GRIN2A: variants seen among roughly 807,000 people sequenced by gnomAD.
GRIN2A encodes the protein glutamate ionotropic receptor NMDA type subunit 2A, also known as glutamate receptor ionotropic, NMDA 2A.
A neutral mutation model predicts 113.4 loss-of-function variants in GRIN2A; 22 were observed. The observed-to-expected ratio is 0.19, with a 90% CI of 0.14 to 0.28. The LOEUF (loss-of-function observed/expected upper bound fraction) is 0.28. Ranked by LOEUF, GRIN2A falls within the 10% of genes least tolerant of loss-of-function variation. GRIN2A has a pLI of 1.00. For missense variants in GRIN2A, 1,502 were observed against 1,887.0 expected (o/e 0.80, Z 3.78); for synonymous variants, 827 against 738.4 (o/e 1.12, Z -1.94).
chr16:9,818,288 T>G (rs2042221344), intron 10 of GRIN2A, among the ~76,000 whole-genome samples: 1 of 151,594 alleles, frequency 6.6e-6, no homozygotes. Context: ...GTTTTCATAA[T>G]CATCTGAGGA....
At chr16:9,887,411 T>C (rs55890250) in intron 4 of GRIN2A, among the ~76,000 whole-genome samples, 1 of 152,190 alleles carries the variant, frequency 6.6e-6, no homozygotes, top group Admixed American at 6.5e-5. Context: ...TTGAACTTTA[T>C]GTAAATGGAA....
chr16:9,954,028 G>A (rs1368697121), intron 2 of GRIN2A, among the ~76,000 whole-genome samples: 2 of 152,050 alleles, frequency 1.3e-5, no homozygotes, highest in African/African-American at 4.8e-5. Flanking sequence ...GGGGTCAGGG[G>A]GCTCCTCCTC....
At chr16:9,867,093 A>G (rs185698279) in intron 4 of GRIN2A, among the ~76,000 whole-genome samples, 285 of 152,198 alleles carry the variant, frequency 1.9e-3, no homozygotes, top group African/African-American at 6.7e-3. Flanking sequence ...ATTTCTTGTC[A>G]TACCCACAAT....
chr16:10,035,414 G>C (rs1567249756), intron 2 of GRIN2A, among the ~76,000 whole-genome samples: 2 of 152,082 alleles, frequency 1.3e-5, no homozygotes, highest in Non-Finnish European at 2.9e-5. Context: ...CTCTGAAGAA[G>C]TCTCACACAT....
At chr16:10,013,668 G>A (rs537646593) in intron 2 of GRIN2A, among the ~76,000 whole-genome samples, 27 of 152,306 alleles carry the variant, frequency 1.8e-4, no homozygotes, top group South Asian at 4.1e-4. Context: ...GTACCAACCA[G>A]CATCCTCCTG....
At chr16:9,765,331 C>A (rs1405157778) in intron 12 of GRIN2A, among the ~76,000 whole-genome samples, 1 of 152,220 alleles carries the variant, frequency 6.6e-6, no homozygotes, top group African/African-American at 2.4e-5. Flanking sequence ...TTCCCAGCAT[C>A]ATCTTTGAAA....
At chr16:10,032,399 A>T (rs1372711206) in intron 2 of GRIN2A, among the ~76,000 whole-genome samples, 3 of 152,222 alleles carry the variant, frequency 2.0e-5, no homozygotes, top group Non-Finnish European at 4.4e-5. Flanking sequence ...CTTTCATCTA[A>T]TTTGATACCT....
At chr16:10,082,897 T>C (rs2048010819) in intron 2 of GRIN2A, among the ~76,000 whole-genome samples, 3 of 151,906 alleles carry the variant, frequency 2.0e-5, no homozygotes, top group Admixed American at 2.0e-4. Context: ...AATAATAAAA[T>C]AGAAAAATCT....
intron 2 of GRIN2A, among the ~76,000 whole-genome samples, chr16:10,098,627 T>A (rs532241238): frequency 6.6e-6 from 1 of 152,250 alleles, no homozygotes; most frequent in African/African-American, 2.4e-5. Flanking sequence ...AAACTCAGCC[T>A]TAAAAAGGAA....
chr16:10,008,688 T>C (rs975446815), intron 2 of GRIN2A, among the ~76,000 whole-genome samples: 1 of 152,224 alleles, frequency 6.6e-6, no homozygotes, highest in East Asian at 1.9e-4. Context: ...TTTTTGCATG[T>C]AATGTCAAGA....
chr16:10,090,682 A>T (rs1596494700), intron 2 of GRIN2A, among the ~76,000 whole-genome samples: 1 of 152,202 alleles, frequency 6.6e-6, no homozygotes. Flanking sequence ...AAATGAAAAA[A>T]TAGGCAAATT....
chr16:10,070,180 G>A (rs908407461), intron 2 of GRIN2A, among the ~76,000 whole-genome samples: 2 of 152,132 alleles, frequency 1.3e-5, no homozygotes, highest in East Asian at 1.9e-4. Context: ...CCTGGACATG[G>A]GTCCCCGAGA....
intron 8 of GRIN2A, among the ~76,000 whole-genome samples, chr16:9,833,727 T>C (rs536029106): frequency 6.6e-6 from 1 of 152,340 alleles, no homozygotes; most frequent in East Asian, 1.9e-4. Flanking sequence ...TAATGTATTC[T>C]TTGTGTGTGT....
intron 2 of GRIN2A, among the ~76,000 whole-genome samples, chr16:10,061,938 A>G (rs1389490363): frequency 6.6e-6 from 1 of 152,214 alleles, no homozygotes; most frequent in African/African-American, 2.4e-5. Flanking sequence ...CAATGGCAAC[A>G]AACCATTCCG....
chr16:9,995,921 G>C (rs558266427), intron 2 of GRIN2A, among the ~76,000 whole-genome samples: 7 of 149,440 alleles, frequency 4.7e-5, no homozygotes, highest in African/African-American at 1.7e-4. Context: ...AAATAAACTA[G>C]GAGAGCTAGA....
intron 3 of GRIN2A, among the ~76,000 whole-genome samples, chr16:9,901,167 T>C (rs559746831): frequency 6.6e-6 from 1 of 152,250 alleles, no homozygotes; most frequent in Non-Finnish European, 1.5e-5. Flanking sequence ...CCTAGAATAC[T>C]ACCTGGTATA....
chr16:9,952,123 A>C (rs1304518841), intron 2 of GRIN2A, among the ~76,000 whole-genome samples: 3 of 152,060 alleles, frequency 2.0e-5, no homozygotes, highest in Non-Finnish European at 2.9e-5. Context: ...TGGAGGGTTC[A>C]CTGGCCTCCA....
At chr16:9,837,630 C>G (rs2042605234) in intron 7 of GRIN2A, among the ~76,000 whole-genome samples, 1 of 152,112 alleles carries the variant, frequency 6.6e-6, no homozygotes, top group Non-Finnish European at 1.5e-5. Flanking sequence ...TCTTAACCTC[C>G]AGGACAAAGG....
chr16:9,827,370 A>G (rs1178619903), intron 9 of GRIN2A, among the ~76,000 whole-genome samples: 1 of 152,170 alleles, frequency 6.6e-6, no homozygotes, highest in African/African-American at 2.4e-5. Context: ...AGCATGATTT[A>G]CTAGTGAAGG....
Sources: gnomAD v4.1 joint callset for allele counts (sites outside exome capture counted in the v4.1 genomes callset) on GRCh38, gnomAD v4.1.1 for gene constraint, MANE v1.5 for transcripts, NCBI Gene and HGNC (gene_info 2026-07-23, HGNC 2026-07-21) for gene names.